Variants in POMGNT2 observed in about 807,000 individuals in gnomAD.
POMGNT2 encodes protein O-linked-mannose beta-1,4-N-acetylglucosaminyltransferase 2.
POMGNT2 carries 32 observed loss-of-function variants against 37.8 expected under a neutral mutation model. That is an observed-to-expected ratio of 0.85 (90% CI 0.64 to 1.14). POMGNT2 has a LOEUF of 1.14. Among genes scored for constraint, POMGNT2 ranks in the 50% most tolerant of loss-of-function variants. The pLI, the probability that POMGNT2 is intolerant of heterozygous loss-of-function variation, is 0.00. For missense variants in POMGNT2, 705 were observed against 780.6 expected (o/e 0.90, Z 1.15); for synonymous variants, 340 against 336.8 (o/e 1.01, Z -0.10).
intron 1 of POMGNT2, among the ~76,000 whole-genome samples, chr3:43,087,129 C>A (rs1332630426): frequency 1.3e-5 from 2 of 152,168 alleles, no homozygotes; most frequent in African/African-American, 4.8e-5. Context: ...AAGGATTCTC[C>A]CCTAGAGCCT....
chr3:43,104,875 A>G (rs1367309477), intron 1 of POMGNT2, among the ~76,000 whole-genome samples: 2 of 152,186 alleles, frequency 1.3e-5, no homozygotes, highest in African/African-American at 2.4e-5. Flanking sequence ...CTTCACAGAG[A>G]AAGAAACAGA....
At position 43,080,894 on chromosome 3, in the gene POMGNT2, G is replaced by T. The variant is rs371895867; in HGVS notation, c.538C>A (p.Arg180=). ...TCGTGGGCCAGGCCGGGAAACTGCCGCAGGGTGTAGAAGAGTGGCAGCAGG... is the reference window on the plus strand; with the variant it reads ...TCGTGGGCCAGGCCGGGAAACTGCCTCAGGGTGTAGAAGAGTGGCAGCAGG... ...DDLLPLFYTL[R]QFPGLAHEAR... Residue 180 remains arginine (R), a synonymous_variant, in exon 2 of 2, where the codon CGG becomes AGG. Coordinates refer to ENST00000344697, the MANE Select transcript of POMGNT2 (RefSeq NM_032806.6). 1 of 1,614,180 alleles carries T rather than the reference G, an allele frequency of 6.2e-7. No individual in the cohort carries two copies.
intron 1 of POMGNT2, among the ~76,000 whole-genome samples, 181 bp from the exon 2 acceptor site, chr3:43,081,717 T>A (rs2125701566): frequency 6.6e-6 from 1 of 152,252 alleles, no homozygotes; most frequent in Middle Eastern, 3.4e-3. Flanking sequence ...AAATATTCTC[T>A]CCCTCCCCAT....
chr3:43,092,835 G>T (rs1253458828), intron 1 of POMGNT2, among the ~76,000 whole-genome samples: 2 of 152,298 alleles, frequency 1.3e-5, no homozygotes, highest in East Asian at 3.9e-4. Context: ...AATTACAAGA[G>T]AATTCTGAAG....
chr3:43,091,032 T>C (rs2089939402), intron 1 of POMGNT2, among the ~76,000 whole-genome samples: 1 of 152,200 alleles, frequency 6.6e-6, no homozygotes, highest in Non-Finnish European at 1.5e-5. Flanking sequence ...ATAACTGTCA[T>C]AGCTAAGGAA....
intron 1 of POMGNT2, among the ~76,000 whole-genome samples, chr3:43,097,997 C>T (rs1006968488): frequency 2.0e-5 from 3 of 152,196 alleles, no homozygotes; most frequent in Non-Finnish European, 4.4e-5. Context: ...GTCACTCCTC[C>T]ACAAGAAGGG....
rs550179595 is a variant in POMGNT2 at position 43,081,394 on chromosome 3, G to A, written c.38C>T (p.Ser13Leu). The change falls in exon 2 of 2, where the codon TCG becomes TTG. Residue 13 changes from serine to leucine, a missense_variant. Coordinates refer to ENST00000344697, the MANE Select transcript of POMGNT2 (RefSeq NM_032806.6). ...LSAVFNALLV[S>L]VLAAVLWKHV... Reference sequence around the variant, plus strand: ...CTTCCACAGGACCGCTGCCAGCACCGACACCAGGAGGGCGTTGAACACCGC... The same window carrying A: ...CTTCCACAGGACCGCTGCCAGCACCAACACCAGGAGGGCGTTGAACACCGC... 1.4e-5 allele frequency: 23 copies of A among 1,598,906 alleles called. No individual in the cohort carries two copies. The highest frequency in any genetic ancestry group is 8.9e-5 in the East Asian group (4 of 44,728).
chr3:43,093,982 T>C (rs929272150), intron 1 of POMGNT2, among the ~76,000 whole-genome samples: 3 of 152,314 alleles, frequency 2.0e-5, no homozygotes, highest in East Asian at 3.9e-4. Flanking sequence ...TAGATATTAC[T>C]GTATTTTGTC....
intron 1 of POMGNT2, among the ~76,000 whole-genome samples, chr3:43,101,881 C>T (rs758967156): frequency 4.6e-5 from 7 of 152,120 alleles, no homozygotes; most frequent in African/African-American, 9.7e-5. Context: ...CCAACCCATT[C>T]CTTCCCACAC....
chr3:43,081,288 T>C lies in POMGNT2; in HGVS notation c.144A>G (p.Ala48=). The C allele has an allele frequency of 6.2e-7, 1 of 1,613,110 alleles. No individual in the cohort carries two copies. Among genetic ancestry groups the C allele is most frequent in the African/African-American group, 1.3e-5 (1 of 75,064 alleles). ...GTGCCTTCGGGTAGTCGATCCTCAG[T>C]GCTGGGGCTGGCTCTGTGGCCTGTC... ...LSRQATEPAP[A]LRIDYPKALQ... The change falls in exon 2 of 2, where the codon GCA becomes GCG. Residue 48 remains alanine (A), a synonymous_variant. Coordinates refer to ENST00000344697, the MANE Select transcript of POMGNT2 (RefSeq NM_032806.6).
intron 1 of POMGNT2, among the ~76,000 whole-genome samples, chr3:43,101,906 G>C (rs1422557705): frequency 6.6e-6 from 1 of 152,082 alleles, no homozygotes; most frequent in Non-Finnish European, 1.5e-5. Flanking sequence ...TGCACCATTT[G>C]TGGTGTGGGA....
chr3:43,093,567 G>A (rs2089959286), intron 1 of POMGNT2, among the ~76,000 whole-genome samples: 1 of 152,146 alleles, frequency 6.6e-6, no homozygotes, highest in Admixed American at 6.5e-5. Flanking sequence ...GAAACAGCAC[G>A]GTGGATAGAG....
rs377726627 is a variant in POMGNT2 at position 43,081,200 on chromosome 3, T to C, written c.232A>G (p.Ile78Val). The stretch of plus-strand genomic sequence containing the variant: ...TAGCAGAGCCACTTGAAGCGGCAGA[T>C]GCGGTCTGTGTGCGTGCGGCCCGTG... ...VCTGRTHTDR[I>V]CRFKWLCYSN... Residue 78 changes from isoleucine (I) to valine (V), a missense_variant, in exon 2 of 2, where the codon ATC becomes GTC. By Grantham distance (29) the Ile-to-Val change is conservative. Transcript: ENST00000344697. The C allele has an allele frequency of 1.4e-5, 23 of 1,613,998 alleles. No homozygotes were observed. Among genetic ancestry groups the C allele is most frequent in the African/African-American group, 2.7e-5 (2 of 74,938 alleles).
chr3:43,079,615 A>C lies in POMGNT2; in HGVS notation c.*74T>G. ...CAATAAATAGTTCCCAGAAGTCTCC[A>C]CAGTGGGATTAATGGGCCCAGGGAC... On this transcript the variant is annotated 3_prime_UTR_variant, in exon 2 of 2. Coordinates refer to ENST00000344697, the MANE Select transcript of POMGNT2 (RefSeq NM_032806.6). The C allele has an allele frequency of 7.4e-7, 1 of 1,352,304 alleles. No homozygotes were observed. 83.8% of individuals were successfully genotyped at this position (1,352,304 alleles called of 1,614,324 possible).
chr3:43,097,187 A>G (rs972419203), intron 1 of POMGNT2, among the ~76,000 whole-genome samples: 32 of 152,234 alleles, frequency 2.1e-4, no homozygotes, highest in African/African-American at 7.7e-4. Flanking sequence ...TTCTGGGCCC[A>G]GAGTAGGAGG....
chr3:43,099,385 A>G (rs2090001407), intron 1 of POMGNT2, among the ~76,000 whole-genome samples: 1 of 152,226 alleles, frequency 6.6e-6, no homozygotes, highest in Non-Finnish European at 1.5e-5. Flanking sequence ...ATGGAGGATA[A>G]GATGAGCATC....
At chr3:43,105,301 T>C (rs909764730) in intron 1 of POMGNT2, among the ~76,000 whole-genome samples, 2 of 152,282 alleles carry the variant, frequency 1.3e-5, no homozygotes, top group East Asian at 3.9e-4. Flanking sequence ...GGCAAGCTCT[T>C]ACCACCGGAC....
At chr3:43,104,454 T>C (rs187682638) in intron 1 of POMGNT2, among the ~76,000 whole-genome samples, 10 of 152,346 alleles carry the variant, frequency 6.6e-5, no homozygotes, top group African/African-American at 1.4e-4. Flanking sequence ...CATGCTTACA[T>C]GGCCACGGTG....
intron 1 of POMGNT2, among the ~76,000 whole-genome samples, chr3:43,102,338 T>C (rs886338777): frequency 3.3e-5 from 5 of 152,236 alleles, no homozygotes; most frequent in African/African-American, 1.2e-4. Context: ...GGGCCTTCTC[T>C]TAGCCTTTTC....
Sources: allele counts gnomAD v4.1 joint callset (sites outside exome capture counted in the v4.1 genomes callset), GRCh38; gene constraint gnomAD v4.1.1; transcripts MANE v1.5; gene names NCBI Gene and HGNC (gene_info 2026-07-23, HGNC 2026-07-21).